The following MYO1A variants were observed in gnomAD, a reference collection of about 807,000 sequenced individuals.
MYO1A encodes myosin IA, also known as unconventional myosin-Ia.
A neutral mutation model predicts 138.5 loss-of-function variants in MYO1A; 127 were observed. That is an observed-to-expected ratio of 0.92 (90% CI 0.79 to 1.06). MYO1A has a LOEUF of 1.06. MYO1A is among the 50% of genes least tolerant of loss of function. The pLI, the probability that MYO1A is intolerant of heterozygous loss-of-function variation, is 0.00. For missense variants in MYO1A, 1,211 were observed against 1,288.8 expected, an observed-to-expected ratio of 0.94 and a Z score of 0.92; for synonymous variants, 477 against 497.5, an observed-to-expected ratio of 0.96 and a Z score of 0.55.
Position 57,045,486 on chromosome 12 carries a change from T to C in MYO1A, c.640+1066A>G, listed in dbSNP as rs149300873. ...CTCATCTAGAGTTGATTTAAACCAA[T>C]AGATGACAGACCAACCAGAACAAGA... On this transcript the variant is annotated intron_variant, in intron 8 of 27. Coordinates refer to ENST00000300119, the MANE Select transcript of MYO1A (RefSeq NM_005379.4). 1.2e-4 allele frequency among the ~76,000 whole-genome samples: 19 copies of C among 152,222 alleles called. 1 individual carries two copies. Among genetic ancestry groups the C allele is most frequent in the South Asian group, 8.3e-4 (4 of 4,822 alleles).
intron 8 of MYO1A, among the ~76,000 whole-genome samples, chr12:57,045,691 C>T (rs2031064681): frequency 6.6e-6 from 1 of 152,188 alleles, no homozygotes; most frequent in African/African-American, 2.4e-5. Flanking sequence ...GCCAGACACC[C>T]ACGGTGCTCA....
intron 7 of MYO1A, 50 bp from the exon 8 acceptor site, chr12:57,046,700 A>G (rs1385043213): frequency 6.5e-7 from 1 of 1,530,356 alleles, no homozygotes; most frequent in Non-Finnish European, 9.1e-7. Flanking sequence ...GAGATGCCGT[A>G]GCTTCTCCAG....
chr12:57,048,376 A>C, intron 1 of MYO1A, 33 bp from the exon 2 acceptor site: 1 of 1,326,442 alleles, frequency 7.5e-7, no homozygotes, highest in East Asian at 2.3e-5. Context: ...GCTGATGTCC[A>C]CTCAGCTTTA....
chr12:57,044,612 T>C (rs1210685098), intron 8 of MYO1A, among the ~76,000 whole-genome samples: 1 of 152,114 alleles, frequency 6.6e-6, no homozygotes, highest in Non-Finnish European at 1.5e-5. Context: ...TGGTCTTGAC[T>C]CCTGCACTCA....
In MYO1A at chr12:57,036,949, C is replaced by T. The variant is rs2030578303; in HGVS notation, c.2198G>A (p.Gly733Glu). 6.2e-7 allele frequency: 1 copy of T among 1,614,176 alleles called. No homozygotes were observed. Among genetic ancestry groups the T allele is most frequent in the Non-Finnish European group, 8.5e-7 (1 of 1,180,032 alleles). The change falls in exon 20 of 28, where the codon GGA becomes GAA. Residue 733 changes from glycine (G) to glutamate (E), a missense_variant. Coordinates refer to ENST00000300119, the MANE Select transcript of MYO1A (RefSeq NM_005379.4). The part of the protein sequence containing the change: ...SQILISSWFR[G>E]NMQKKCYGKI... ...CTTTGGGGATGACCGTACCATGTTTCCCCGAAACCAAGAGGAGATGAGGAT... is the reference window on the plus strand; with the variant it reads ...CTTTGGGGATGACCGTACCATGTTTTCCCGAAACCAAGAGGAGATGAGGAT...
chr12:57,042,886 A>G (rs1359737586), intron 12 of MYO1A, among the ~76,000 whole-genome samples, 186 bp downstream of exon 12: 2 of 152,290 alleles, frequency 1.3e-5, no homozygotes, highest in Middle Eastern at 6.8e-3. Flanking sequence ...TAAGTAGATG[A>G]TATATCCAGA....
At chr12:57,043,559 A>G (rs80200151) in intron 10 of MYO1A, among the ~76,000 whole-genome samples, 2 of 152,192 alleles carry the variant, frequency 1.3e-5, no homozygotes, top group Admixed American at 6.5e-5. Context: ...GGCATTTTGC[A>G]TGTATCATCT....
rs200861737 is a variant in MYO1A at position 57,029,741 on chromosome 12, T to C, written c.2723A>G (p.Lys908Arg). The change falls in exon 25 of 28, where the codon AAG (lysine) becomes AGG (arginine). Residue 908 changes from lysine (K) to arginine (R), a missense_variant and splice_region_variant. Coordinates refer to ENST00000300119, the MANE Select transcript of MYO1A (RefSeq NM_005379.4). ...AVKKVNRGNG[K>R]TSSRILLLTK... is the part of the protein sequence containing the mutation. ...GGAGTTCAGCCTGCAGGCCCTTACC[T>C]TGCCATTGCCACGATTGACCTTCTT... The C allele has an allele frequency of 6.8e-6, 11 of 1,614,142 alleles. No individual in the cohort carries two copies. In the Admixed American group the frequency reaches 1.3e-4, roughly 20 times the overall value.
Position 57,038,447 on chromosome 12 carries a change from C to T in MYO1A, c.1725G>A (p.Met575Ile). 1 of 1,614,212 alleles carries T rather than the reference C, an allele frequency of 6.2e-7. No homozygotes were observed. The highest frequency in any genetic ancestry group is 2.2e-5 in the East Asian group (1 of 44,888). ...AQFKSSVAIL[M>I]KNLYSKSPNY... ...TGGGGCTCTTGGAATACAGATTCTT[C>T]ATGAGGATGGCCACAGAACTCTTGA... The change falls in exon 17 of 28, where the codon ATG becomes ATA. Residue 575 changes from methionine (M) to isoleucine (I), a missense_variant. Transcript: ENST00000300119.
chr12:57,032,246 G>T, intron 22 of MYO1A, among the ~76,000 whole-genome samples: 1 of 152,134 alleles, frequency 6.6e-6, no homozygotes, highest in Admixed American at 6.5e-5. Flanking sequence ...GTCCTTATAA[G>T]GCAGGATCCC....
chr12:57,039,103 T>A (rs536394378), intron 15 of MYO1A, 94 bp from the exon 16 acceptor site: 1 of 1,562,976 alleles, frequency 6.4e-7, no homozygotes, highest in East Asian at 2.3e-5. Flanking sequence ...TCTTATCTTC[T>A]GCCCTCTTTA....
chr12:57,030,218 A>G lies in MYO1A; in HGVS notation c.2583T>C (p.Tyr861=), dbSNP rs1592468676. The change falls in exon 24 of 28, where the codon TAT becomes TAC. Residue 861 remains tyrosine, a synonymous_variant. Transcript: ENST00000300119. Reference sequence around the variant, plus strand: ...GTCTGGGAGGCCCTCACCTCTGGGGATATGAAGCCTTCTTGCCCTTGAACA... The same window carrying G: ...GTCTGGGAGGCCCTCACCTCTGGGGGTATGAAGCCTTCTTGCCCTTGAACA... The part of the protein sequence containing the change: ...SELFKGKKAS[Y]PQSVPIPFCG... 6 of 1,613,934 alleles carry G rather than the reference A, an allele frequency of 3.7e-6. No individual in the cohort carries two copies. The highest frequency in any genetic ancestry group is 4.2e-6 in the Non-Finnish European group (5 of 1,179,846).
chr12:57,047,257 T>C (rs1431411113), intron 5 of MYO1A, 46 bp downstream of exon 5: 1 of 1,593,008 alleles, frequency 6.3e-7, no homozygotes, highest in South Asian at 1.1e-5. Context: ...TCAGTGATTC[T>C]GGGGGTTAGA....
At position 57,047,974 on chromosome 12, in the gene MYO1A, G is replaced by A; in HGVS notation, c.230+15C>T. ...GCTGGGGCCCTGTCAGCCTTCCCTTGGTCCCCCTACTCACATATGGGGCTT... is the reference window on the plus strand; with the variant it reads ...GCTGGGGCCCTGTCAGCCTTCCCTTAGTCCCCCTACTCACATATGGGGCTT... On this transcript the variant is annotated intron_variant, in intron 3 of 27. Transcript: ENST00000300119. 1 of 1,604,652 alleles carries A rather than the reference G, an allele frequency of 6.2e-7. No homozygotes were observed. The highest frequency in any genetic ancestry group is 8.5e-7 in the Non-Finnish European group (1 of 1,171,522).
rs142698007 is a variant in MYO1A at position 57,043,994 on chromosome 12, C to T, written c.754G>A (p.Ala252Thr). 7.4e-6 allele frequency: 12 copies of T among 1,614,054 alleles called. No homozygotes were observed. Among genetic ancestry groups the T allele is most frequent in the Non-Finnish European group, 1.0e-5 (12 of 1,180,032 alleles). The change falls in exon 10 of 28, where the codon GCA becomes ACA. Residue 252 changes from alanine to threonine, a missense_variant. Ala to Thr is a moderately conservative substitution (Grantham distance 58). Transcript: ENST00000300119. Reference sequence around the variant, plus strand: ...TCCTCCTCCGAGAACCCAATCACTGCCATTGCACTCTTAGGCAGAAAGCAG... The same window carrying T: ...TCCTCCTCCGAGAACCCAATCACTGTCATTGCACTCTTAGGCAGAAAGCAG... Reference protein sequence around the residue: ...SSFRAVQSAMAVIGFSEEEIR... With the variant: ...SSFRAVQSAMTVIGFSEEEIR...
chr12:57,035,276 A>AG (rs922886064), intron 22 of MYO1A, among the ~76,000 whole-genome samples: 2 of 152,342 alleles, frequency 1.3e-5, no homozygotes, highest in African/African-American at 4.8e-5. Flanking sequence ...TATGGTGGGA[A>AG]GGCAGACACT....
In MYO1A at chr12:57,028,779, A is replaced by C; in HGVS notation, c.3108T>G (p.His1036Gln). The change falls in exon 28 of 28, where the codon CAT (histidine) becomes CAG (glutamine). Residue 1036 changes from histidine (H) to glutamine (Q), a missense_variant. Transcript: ENST00000300119. ...SKLRYKKKGS[H>Q]CLEVTVQ ...CTCACTGCACAGTCACCTCCAAGCAATGACTCCCCTTTTTTTTGTAGCGTA... is the reference window on the plus strand; with the variant it reads ...CTCACTGCACAGTCACCTCCAAGCACTGACTCCCCTTTTTTTTGTAGCGTA... The C allele has an allele frequency of 6.2e-7, 1 of 1,613,982 alleles. No homozygotes were observed. Among genetic ancestry groups the C allele is most frequent in the Non-Finnish European group, 8.5e-7 (1 of 1,179,968 alleles).
rs1163939917 is a variant in MYO1A at position 57,028,719 on chromosome 12, A to G, written c.*36T>C. On this transcript the variant is annotated 3_prime_UTR_variant, in exon 28 of 28. Transcript: ENST00000300119. The stretch of plus-strand genomic sequence containing the variant: ...AGAGGGGGATTAGTGCTGGTTCAGG[A>G]GGAAGCAACTGCCATCTCTGCATGG... The G allele has an allele frequency of 1.9e-6, 3 of 1,612,646 alleles. No individual in the cohort carries two copies.
At position 57,028,743 on chromosome 12, in the gene MYO1A, G is replaced by A. The variant is rs2030098987; in HGVS notation, c.*12C>T. 2.5e-6 allele frequency: 4 copies of A among 1,613,816 alleles called. No homozygotes were observed. Among genetic ancestry groups the A allele is most frequent in the Non-Finnish European group, 3.4e-6 (4 of 1,179,826 alleles). The stretch of plus-strand genomic sequence containing the variant: ...GAGGAAGCAACTGCCATCTCTGCAT[G>A]GTGCCCCCTCCTCACTGCACAGTCA... On this transcript the variant is annotated 3_prime_UTR_variant, in exon 28 of 28. Transcript: ENST00000300119.
Sources: gnomAD v4.1 joint callset for allele counts (sites outside exome capture counted in the v4.1 genomes callset) on GRCh38, gnomAD v4.1.1 for gene constraint, MANE v1.5 for transcripts, NCBI Gene and HGNC (gene_info 2026-07-23, HGNC 2026-07-21) for gene names.